The following SACM1L variants were observed in gnomAD, a reference collection of about 807,000 sequenced individuals.
SACM1L encodes SAC1 like phosphatidylinositide phosphatase.
A neutral mutation model predicts 89.5 loss-of-function variants in SACM1L; 32 were observed. That is an observed-to-expected ratio of 0.36 (90% confidence interval 0.27 to 0.48). The LOEUF (loss-of-function observed/expected upper bound fraction) is 0.48. SACM1L is among the 20% of genes least tolerant of loss of function. The pLI is 0.99. For synonymous variants in SACM1L, 213 were observed against 232.8 expected (o/e 0.92, Z 0.77); for missense variants, 543 against 708.5 (o/e 0.77, Z 2.65).
chr3:45,705,051 G>A, intron 2 of SACM1L, 84 bp from the exon 3 acceptor site: 1 of 828,248 alleles, frequency 1.2e-6, no homozygotes, highest in Non-Finnish European at 2.0e-6. Context: ...TGTAGTCAAA[G>A]TAACTATTGA....
At chr3:45,690,926 G>GT (rs142719743) in intron 1 of SACM1L, among the ~76,000 whole-genome samples, 38,049 of 152,188 alleles carry the variant, frequency 0.25, 6,059 homozygotes, top group Middle Eastern at 0.41. Context: ...GGTCTCAAAT[G>GT]TGTTTAAGCC....
intron 2 of SACM1L, among the ~76,000 whole-genome samples, chr3:45,704,575 A>G (rs1313060018): frequency 2.0e-5 from 3 of 151,994 alleles, no homozygotes; most frequent in African/African-American, 2.4e-5. Flanking sequence ...AAATTATACT[A>G]CTCTTTATAC....
chr3:45,707,754 G>A (rs1319297561), intron 4 of SACM1L, among the ~76,000 whole-genome samples: 1 of 152,164 alleles, frequency 6.6e-6, no homozygotes, highest in Non-Finnish European at 1.5e-5. Context: ...TCCCAACATT[G>A]AAAGTGCAAA....
At position 45,719,518 on chromosome 3, in the gene SACM1L, G is replaced by T; in HGVS notation, c.596G>T (p.Cys199Phe). ...GGTTAAGTTATTACCATGCATTCATGTTCTATTAATGGAAAATACTTTGAT... is the reference window on the plus strand; with the variant it reads ...GGTTAAGTTATTACCATGCATTCATTTTCTATTAATGGAAAATACTTTGAT... The part of the protein sequence containing the change: ...VLHGFITMHS[C>F]SINGKYFDWI... The change falls in exon 8 of 20, where the codon TGT (cysteine) becomes TTT (phenylalanine). Residue 199 changes from cysteine (C) to phenylalanine (F), a missense_variant. By Grantham distance (205) the Cys-to-Phe change is radical (BLOSUM62 -2). Around this residue, in one of 2 missense-constraint regions of SACM1L, gnomAD observed 370 missense variants for 527.6 expected, o/e 0.70. Transcript: ENST00000389061. 1 of 1,604,268 alleles carries T rather than the reference G, an allele frequency of 6.2e-7. No individual in the cohort carries two copies. Among genetic ancestry groups the T allele is most frequent in the Non-Finnish European group, 8.5e-7 (1 of 1,172,694 alleles).
At chr3:45,713,260 A>G (rs41289602) in intron 6 of SACM1L, 64 bp downstream of exon 6, 6 of 1,176,336 alleles carry the variant, frequency 5.1e-6, no homozygotes, top group South Asian at 1.3e-5. Flanking sequence ...AATGCATGCT[A>G]TAAAGTGACT....
intron 1 of SACM1L, 38 bp downstream of exon 1, chr3:45,689,535 C>T: frequency 6.4e-7 from 1 of 1,553,042 alleles, no homozygotes. Context: ...GCGCGGCGGG[C>T]GGGGCGGCAG....
chr3:45,736,066 C>T (rs558878527), intron 14 of SACM1L, among the ~76,000 whole-genome samples: 17 of 152,218 alleles, frequency 1.1e-4, no homozygotes, highest in African/African-American at 4.1e-4. Context: ...GACAGGATTT[C>T]ACCATGTTGC....
chr3:45,730,223 A>AT lies in SACM1L; in HGVS notation c.922-1068dup, dbSNP rs548337718. Among the ~76,000 whole-genome samples the AT allele has an allele frequency of 3.9e-3, 572 of 148,542 alleles. 4 individuals are homozygous for AT. The highest frequency in any genetic ancestry group is 0.011 in the African/African-American group (462 of 40,460). On this transcript the variant is annotated intron_variant, in intron 11 of 19. Transcript: ENST00000389061. ...TTTTCTGTTTATTTTTGTACCTGTG[A>AT]TTTTTTTTTTAATTATATGTTTGAT...
At chr3:45,714,780 T>A (rs779518456) in intron 7 of SACM1L, among the ~76,000 whole-genome samples, 1 of 152,164 alleles carries the variant, frequency 6.6e-6, no homozygotes, top group Non-Finnish European at 1.5e-5. Context: ...TAAAAACAGA[T>A]CTATGTCATA....
At chr3:45,702,471 A>C (rs1283704283) in intron 1 of SACM1L, among the ~76,000 whole-genome samples, 3 of 152,158 alleles carry the variant, frequency 2.0e-5, no homozygotes, top group Non-Finnish European at 2.9e-5. Context: ...CTGGAAAAAG[A>C]AATAGTTCTT....
At chr3:45,731,591 T>C (rs1384797075) in intron 12 of SACM1L, among the ~76,000 whole-genome samples, 2 of 152,230 alleles carry the variant, frequency 1.3e-5, no homozygotes, top group African/African-American at 4.8e-5. Flanking sequence ...GTTTAGTCTC[T>C]GATTAAAATT....
chr3:45,697,609 A>G (rs1357340848), intron 1 of SACM1L, among the ~76,000 whole-genome samples: 1 of 152,156 alleles, frequency 6.6e-6, no homozygotes, highest in Admixed American at 6.5e-5. Flanking sequence ...TTGGACAGTA[A>G]TCCTTAAAAG....
rs935133231 is a variant in SACM1L, at chr3:45,706,682, C to A, written c.206-98C>A. The A allele has an allele frequency of 4.0e-6, 4 of 1,010,642 alleles. No individual in the cohort carries two copies. The African/African-American group carries it at 6.5e-5, about 17-fold the overall frequency. 62.6% of individuals were successfully genotyped at this position (1,010,642 alleles called of 1,614,324 possible). ...TTATCTGAGTGGCACAATATAGTCT[C>A]ATTCTACTAGCCTTTAAAGTTAAAC... On this transcript the variant is annotated intron_variant, in intron 3 of 19. Transcript: ENST00000389061.
intron 1 of SACM1L, among the ~76,000 whole-genome samples, chr3:45,702,940 GT>G (rs1698308536): frequency 6.6e-6 from 1 of 152,190 alleles, no homozygotes; most frequent in African/African-American, 2.4e-5. Flanking sequence ...ATTTCTTACT[GT>G]TTTTAGCTAA....
intron 4 of SACM1L, 152 bp downstream of exon 4, chr3:45,707,059 C>T: frequency 3.7e-6 from 2 of 543,214 alleles, no homozygotes; most frequent in Non-Finnish European, 3.0e-6. Context: ...TCTACCTAGG[C>T]ATAAAAAATA....
At chr3:45,716,543 G>A (rs1698667730) in intron 7 of SACM1L, among the ~76,000 whole-genome samples, 1 of 152,126 alleles carries the variant, frequency 6.6e-6, no homozygotes, top group African/African-American at 2.4e-5. Context: ...GAGGTGGGTG[G>A]GGGTCAGCGC....
At chr3:45,700,672 A>AT (rs1698244670) in intron 1 of SACM1L, among the ~76,000 whole-genome samples, 1 of 151,928 alleles carries the variant, frequency 6.6e-6, no homozygotes. Context: ...TACTTTAATT[A>AT]TTTTTTTGAG....
intron 1 of SACM1L, among the ~76,000 whole-genome samples, chr3:45,697,443 A>G (rs1186737547): frequency 6.6e-6 from 1 of 150,822 alleles, no homozygotes; most frequent in African/African-American, 2.4e-5. Flanking sequence ...CACCTGGCTA[A>G]TTTTTGCATT....
chr3:45,693,223 G>T (rs1254877472), intron 1 of SACM1L, among the ~76,000 whole-genome samples: 1 of 152,130 alleles, frequency 6.6e-6, no homozygotes, highest in Non-Finnish European at 1.5e-5. Context: ...TGTGTAGTCT[G>T]TCGTTGACCA....
Sources: gnomAD v4.1 joint callset for allele counts (sites outside exome capture counted in the v4.1 genomes callset) on GRCh38, gnomAD v4.1.1 for gene constraint, gnomAD v4.1.1 regional missense constraint, MANE v1.5 for transcripts, NCBI Gene and HGNC (gene_info 2026-07-23, HGNC 2026-07-21) for gene names.